DPYD: variants seen among roughly 807,000 people sequenced by gnomAD.
DPYD encodes the protein dihydropyrimidine dehydrogenase [NADP(+)].
Under a neutral mutation model 116.2 loss-of-function variants are expected in DPYD, and 109 were observed. That is an observed-to-expected ratio of 0.94 (90% CI 0.80 to 1.10). The LOEUF is 1.10. Among genes scored for constraint, DPYD ranks in the 50% least tolerant of loss-of-function variants. DPYD has a pLI of 0.00. For synonymous variants in DPYD, 440 were observed against 432.0 expected (o/e 1.02, Z -0.23); for missense variants, 1,302 against 1,254.5 (o/e 1.04, Z -0.57).
intron 13 of DPYD, among the ~76,000 whole-genome samples, chr1:97,461,999 A>G (rs1351233630): frequency 6.6e-6 from 1 of 150,992 alleles, no homozygotes; most frequent in Non-Finnish European, 1.5e-5. Context: ...TGTCCTCTCA[A>G]TTTTTTTTTT....
intron 15 of DPYD, among the ~76,000 whole-genome samples, chr1:97,379,717 C>G (rs574496175): frequency 3.3e-5 from 5 of 152,250 alleles, no homozygotes; most frequent in African/African-American, 1.2e-4. Context: ...TAGCAGCTGC[C>G]CTGAAGGGGC....
At position 97,629,008 on chromosome 1, in the gene DPYD, T is replaced by C. The variant is rs138260664; in HGVS notation, c.851-33842A>G. Among the ~76,000 whole-genome samples the C allele has an allele frequency of 1.4e-4, 21 of 152,196 alleles. 1 individual carries two copies. In the East Asian group the frequency reaches 4.1e-3, roughly 30 times the overall value. On this transcript the variant is annotated intron_variant, in intron 8 of 22. Transcript: ENST00000370192. Reference sequence around the variant, plus strand: ...TAGGGATAACTCATATGATTTAACATGTGCAGCAGGACTAGGTGAGTCCCT... The same window carrying C: ...TAGGGATAACTCATATGATTTAACACGTGCAGCAGGACTAGGTGAGTCCCT...
chr1:97,393,984 C>G (rs1672866640), intron 14 of DPYD, among the ~76,000 whole-genome samples: 1 of 152,150 alleles, frequency 6.6e-6, no homozygotes, highest in Non-Finnish European at 1.5e-5. Context: ...GATGGCCATT[C>G]TAACTGGTGT....
intron 18 of DPYD, among the ~76,000 whole-genome samples, chr1:97,252,640 CT>C (rs1242678222): frequency 6.6e-6 from 1 of 152,118 alleles, no homozygotes; most frequent in Non-Finnish European, 1.5e-5. Flanking sequence ...TTTCAGTAAC[CT>C]TTGCCAAAAC....
chr1:97,443,906 G>A (rs564040010), intron 14 of DPYD, among the ~76,000 whole-genome samples: 3 of 152,122 alleles, frequency 2.0e-5, no homozygotes, highest in Admixed American at 6.5e-5. Context: ...ACTAACGTAC[G>A]CCCATCAAGT....
intron 18 of DPYD, among the ~76,000 whole-genome samples, chr1:97,263,178 G>A (rs944551335): frequency 1.3e-5 from 2 of 152,012 alleles, no homozygotes; most frequent in Admixed American, 6.6e-5. Context: ...AGATTAAACT[G>A]CTGATTTTCT....
At chr1:97,751,601 CA>C (rs1040842518) in intron 3 of DPYD, among the ~76,000 whole-genome samples, 10 of 148,624 alleles carry the variant, frequency 6.7e-5, no homozygotes, top group Non-Finnish European at 1.2e-4. Context: ...TTGTCTCTAC[CA>C]AAAAACAACA....
At chr1:97,783,028 C>A (rs1439976960) in intron 3 of DPYD, among the ~76,000 whole-genome samples, 1 of 152,142 alleles carries the variant, frequency 6.6e-6, no homozygotes, top group East Asian at 1.9e-4. Context: ...AGAGAAGCAC[C>A]AAATGCTAGC....
At chr1:97,887,681 G>A (rs1672575958) in intron 1 of DPYD, among the ~76,000 whole-genome samples, 1 of 151,512 alleles carries the variant, frequency 6.6e-6, no homozygotes, top group Non-Finnish European at 1.5e-5. Flanking sequence ...CCATTAAGAG[G>A]GCCCATGTGT....
In DPYD at chr1:97,399,610, C is replaced by T. The variant is rs372631183; in HGVS notation, c.1906-17149G>A. Among the ~76,000 whole-genome samples, 7 of 152,114 alleles carry T rather than the reference C, an allele frequency of 4.6e-5. No individual in the cohort carries two copies. In the East Asian group the frequency reaches 7.7e-4, roughly 17 times the overall value. ...GAATGTTCTTCCATTTGTTTGTATC[C>T]TCTTTTATTATGTTGAGCAGTGGTT... On this transcript the variant is annotated intron_variant, in intron 14 of 22. Transcript: ENST00000370192.
intron 2 of DPYD, among the ~76,000 whole-genome samples, chr1:97,878,059 A>G (rs980287824): frequency 1.3e-5 from 2 of 151,988 alleles, no homozygotes; most frequent in African/African-American, 2.4e-5. Context: ...CCTCCATGGA[A>G]GTCCCCTACT....
At position 97,100,080 on chromosome 1, in the gene DPYD, ATATT is replaced by A. The variant is rs1650554103; in HGVS notation, c.2623-1452_2623-1449del. Among the ~76,000 whole-genome samples the A allele has an allele frequency of 2.6e-5, 4 of 152,090 alleles. No individual in the cohort carries two copies. In the South Asian group the frequency reaches 8.3e-4, roughly 31 times the overall value. On this transcript the variant is annotated intron_variant, in intron 20 of 22. Coordinates refer to ENST00000370192, the MANE Select transcript of DPYD (RefSeq NM_000110.4). ...CACCTTAATGCTTTCTTAATTTGTAATATTTAATTGTTGCAGTAATATGAAATGA... is the reference window on the plus strand; with the variant it reads ...CACCTTAATGCTTTCTTAATTTGTAATAATTGTTGCAGTAATATGAAATGA...
chr1:97,226,621 CACTT>C (rs1661184874), intron 19 of DPYD, among the ~76,000 whole-genome samples: 1 of 152,040 alleles, frequency 6.6e-6, no homozygotes, highest in Non-Finnish European at 1.5e-5. Context: ...GAGTTAATCT[CACTT>C]ACAGTAGCAT....
chr1:97,312,244 G>A (rs559271623), intron 16 of DPYD, among the ~76,000 whole-genome samples: 1 of 151,760 alleles, frequency 6.6e-6, no homozygotes, highest in Admixed American at 6.6e-5. Context: ...ATGATTTGCC[G>A]AAAATGTAAA....
At chr1:97,238,000 C>T (rs947946085) in intron 18 of DPYD, among the ~76,000 whole-genome samples, 1 of 151,938 alleles carries the variant, frequency 6.6e-6, no homozygotes, top group Non-Finnish European at 1.5e-5. Flanking sequence ...TATTAATGGA[C>T]ATAAAAAGGC....
chr1:97,758,913 C>G (rs1172845623), intron 3 of DPYD, among the ~76,000 whole-genome samples: 1 of 152,174 alleles, frequency 6.6e-6, no homozygotes, highest in Non-Finnish European at 1.5e-5. Context: ...TTGGAGGCTG[C>G]AGGGCTTGGC....
At chr1:97,276,359 A>G (rs1264374192) in intron 18 of DPYD, among the ~76,000 whole-genome samples, 1 of 152,144 alleles carries the variant, frequency 6.6e-6, no homozygotes, top group Non-Finnish European at 1.5e-5. Context: ...CCAACAGCTT[A>G]AACAGAGAGC....
intron 18 of DPYD, among the ~76,000 whole-genome samples, chr1:97,285,609 T>G (rs1665622157): frequency 6.6e-6 from 1 of 152,090 alleles, no homozygotes; most frequent in Admixed American, 6.6e-5. Flanking sequence ...TGAAGTTCAC[T>G]AAATGGAATA....
chr1:97,275,463 T>C (rs762474106), intron 18 of DPYD, among the ~76,000 whole-genome samples: 21 of 152,198 alleles, frequency 1.4e-4, no homozygotes, highest in Non-Finnish European at 2.5e-4. Flanking sequence ...TTTGTCACTT[T>C]GCAGTGGTCT....
Sources: gnomAD v4.1 joint callset for allele counts (sites outside exome capture counted in the v4.1 genomes callset) on GRCh38, gnomAD v4.1.1 for gene constraint, MANE v1.5 for transcripts, NCBI Gene and HGNC (gene_info 2026-07-23, HGNC 2026-07-21) for gene names.